Variants in CCDC91 observed in about 807,000 individuals in gnomAD.
CCDC91 encodes the protein coiled-coil domain-containing protein 91.
Under a neutral mutation model 63.2 loss-of-function variants are expected in CCDC91, and 48 were observed. That is an observed-to-expected ratio of 0.76 (90% CI 0.60 to 0.97). The LOEUF (loss-of-function observed/expected upper bound fraction) is 0.97. Among genes scored for constraint, CCDC91 ranks in the 50% least tolerant of loss-of-function variants. The pLI is 0.00. For missense variants in CCDC91, 500 were observed against 494.6 expected (o/e 1.01, Z -0.10); for synonymous variants, 167 against 165.8 (o/e 1.01, Z -0.06).
chr12:28,392,477 A>C (rs2139322703), intron 8 of CCDC91, among the ~76,000 whole-genome samples: 1 of 152,328 alleles, frequency 6.6e-6, no homozygotes, highest in Non-Finnish European at 1.5e-5. Context: ...GAAGTGAAAG[A>C]GAGCCGTGTT....
intron 7 of CCDC91, among the ~76,000 whole-genome samples, chr12:28,380,467 G>T (rs1003354827): frequency 6.6e-6 from 1 of 151,966 alleles, no homozygotes; most frequent in African/African-American, 2.4e-5. Context: ...ATGTTGCTCA[G>T]ACCTGAATGT....
intron 6 of CCDC91, among the ~76,000 whole-genome samples, chr12:28,346,578 AT>A (rs1256693437): frequency 6.6e-6 from 1 of 151,916 alleles, no homozygotes; most frequent in East Asian, 1.9e-4. Context: ...TTGCTTTTTT[AT>A]TTTTTTATAT....
intron 6 of CCDC91, among the ~76,000 whole-genome samples, chr12:28,332,544 A>T (rs1323260183): frequency 6.6e-6 from 1 of 152,232 alleles, no homozygotes; most frequent in African/African-American, 2.4e-5. Context: ...ATGAGAAAAA[A>T]TATTTGATCA....
chr12:28,273,144 C>T (rs1442810647), intron 3 of CCDC91, among the ~76,000 whole-genome samples: 1 of 152,056 alleles, frequency 6.6e-6, no homozygotes, highest in Non-Finnish European at 1.5e-5. Context: ...CCAGCTTCAT[C>T]CATGTCCCTA....
chr12:28,389,288 G>A (rs1397461948), intron 7 of CCDC91, among the ~76,000 whole-genome samples: 2 of 152,044 alleles, frequency 1.3e-5, no homozygotes, highest in Non-Finnish European at 2.9e-5. Flanking sequence ...CAGACTGGGC[G>A]CAATGTGGAA....
chr12:28,509,250 C>T lies in CCDC91; in HGVS notation c.1215+25085C>T, dbSNP rs549027220. ...CCTCTTGATCTAGCACTCTCTCATA[C>T]GTAGTCTCCTGCCTCCTGTGGATAC... On this transcript the variant is annotated intron_variant, in intron 12 of 12. Coordinates refer to ENST00000536442, the MANE Select transcript of CCDC91 (RefSeq NM_018318.5). Among the ~76,000 whole-genome samples the T allele has an allele frequency of 3.9e-5, 6 of 152,028 alleles. No homozygotes were observed. In the East Asian group the frequency reaches 5.9e-4, roughly 15 times the overall value.
intron 11 of CCDC91, among the ~76,000 whole-genome samples, chr12:28,463,308 A>G (rs1950397961): frequency 6.6e-6 from 1 of 152,216 alleles, no homozygotes. Flanking sequence ...CAGAGATGGA[A>G]TTAATATACA....
In CCDC91 at chr12:28,307,645, G is replaced by A; in HGVS notation, c.472G>A (p.Asp158Asn). 1 of 1,459,050 alleles carries A rather than the reference G, an allele frequency of 6.9e-7. No individual in the cohort carries two copies. Among genetic ancestry groups the A allele is most frequent in the Non-Finnish European group, 9.4e-7 (1 of 1,067,220 alleles). The allele number at this position is 1,459,050 out of a possible 1,614,324, so 90.4% of individuals were successfully genotyped here. A position where few individuals can be genotyped will look rare whatever the true frequency, so the allele number is the denominator to read the frequency against. ...GCTTGTATTTGTATTTTTATTTTAG[G>A]ATGTGGAATCATTGATGGAAAAGCA... The part of the protein sequence containing the change: ...SEEEKQRIKQ[D>N]VESLMEKHNV... The change falls in exon 6 of 13, where the codon GAT becomes AAT. Residue 158 changes from aspartate to asparagine, a missense_variant and splice_region_variant. By Grantham distance (23) the Asp-to-Asn change is conservative (BLOSUM62 1). Transcript: ENST00000536442.
intron 1 of CCDC91, among the ~76,000 whole-genome samples, chr12:28,201,389 G>A (rs4786010): frequency 2.8e-5 from 4 of 141,430 alleles, no homozygotes; most frequent in African/African-American, 7.6e-5. Flanking sequence ...CATCCCAGGC[G>A]GGGCAGCGGG....
intron 6 of CCDC91, among the ~76,000 whole-genome samples, chr12:28,349,862 T>C (rs1408128120): frequency 1.3e-5 from 2 of 152,166 alleles, no homozygotes; most frequent in Non-Finnish European, 2.9e-5. Context: ...AGGGTCAAGC[T>C]CTGCAGAATG....
intron 6 of CCDC91, among the ~76,000 whole-genome samples, chr12:28,314,209 T>C (rs1165379692): frequency 6.6e-6 from 1 of 151,998 alleles, no homozygotes; most frequent in African/African-American, 2.4e-5. Flanking sequence ...TAGTACTGTT[T>C]TATGAAAATA....
chr12:28,206,013 C>T (rs1942821103), intron 1 of CCDC91, among the ~76,000 whole-genome samples: 1 of 152,152 alleles, frequency 6.6e-6, no homozygotes, highest in Non-Finnish European at 1.5e-5. Flanking sequence ...GTGAGTTTTG[C>T]AAAGGTAGGA....
chr12:28,392,911 T>G (rs1450124698), intron 8 of CCDC91, among the ~76,000 whole-genome samples: 5 of 152,158 alleles, frequency 3.3e-5, no homozygotes, highest in South Asian at 4.1e-4. Flanking sequence ...TAGTATACAG[T>G]GGTGAGACAA....
At chr12:28,362,859 A>G (rs1943993853) in intron 7 of CCDC91, among the ~76,000 whole-genome samples, 1 of 152,068 alleles carries the variant, frequency 6.6e-6, no homozygotes, top group Non-Finnish European at 1.5e-5. Flanking sequence ...CATGAAATAT[A>G]TCAGAAAAAA....
intron 8 of CCDC91, among the ~76,000 whole-genome samples, chr12:28,427,424 G>A (rs1565955124): frequency 6.6e-6 from 1 of 152,074 alleles, no homozygotes. Context: ...TGCATTACAG[G>A]GAGATACTGA....
rs184779743 is a variant in CCDC91, at chr12:28,331,190, A to T, written c.576+23441A>T. Among the ~76,000 whole-genome samples, 42 of 152,342 alleles carry T rather than the reference A, an allele frequency of 2.8e-4. No homozygotes were observed. The East Asian group carries it at 5.0e-3, about 18-fold the overall frequency. On this transcript the variant is annotated intron_variant, in intron 6 of 12. Coordinates refer to ENST00000536442, the MANE Select transcript of CCDC91 (RefSeq NM_018318.5). ...CTTTTATATTTATTTCACCTTGGTG[A>T]TAATAAAAACGGATGGAACTACAGG...
intron 8 of CCDC91, among the ~76,000 whole-genome samples, chr12:28,409,651 G>GT (rs1947193279): frequency 6.6e-6 from 1 of 151,912 alleles, no homozygotes; most frequent in Non-Finnish European, 1.5e-5. Context: ...TTGCATTGAG[G>GT]CTTTTCTTCT....
chr12:28,342,241 T>C (rs79627892), intron 6 of CCDC91, among the ~76,000 whole-genome samples: 1,647 of 152,290 alleles, frequency 0.011, 36 homozygotes, highest in African/African-American at 0.038. Flanking sequence ...AGCCTCCAGA[T>C]AGAAAGGCAG....
intron 12 of CCDC91, among the ~76,000 whole-genome samples, chr12:28,519,155 A>C (rs1940296051): frequency 6.6e-6 from 1 of 151,922 alleles, no homozygotes; most frequent in Non-Finnish European, 1.5e-5. Context: ...TCATTTTCAC[A>C]ATATTGATTC....
Sources: allele counts gnomAD v4.1 joint callset (sites outside exome capture counted in the v4.1 genomes callset), GRCh38; gene constraint gnomAD v4.1.1; transcripts MANE v1.5; gene names NCBI Gene and HGNC (gene_info 2026-07-23, HGNC 2026-07-21).